Variants in CSMD2 observed in about 807,000 individuals in gnomAD.
CSMD2 encodes CUB and sushi domain-containing protein 2.
CSMD2 carries 130 observed loss-of-function variants against 398.5 expected under a neutral mutation model. That is an observed-to-expected ratio of 0.33 (90% CI 0.28 to 0.38). The LOEUF is 0.38. Among genes scored for constraint, CSMD2 ranks in the 10% least tolerant of loss-of-function variants. The pLI, the probability that CSMD2 is intolerant of heterozygous loss-of-function variation, is 1.00. For synonymous variants in CSMD2, 1,828 were observed against 1,908.5 expected (o/e 0.96, Z 1.10); for missense variants, 3,829 against 4,764.9 (o/e 0.80, Z 5.78).
chr1:33,837,617 C>T (rs549674834), intron 6 of CSMD2, among the ~76,000 whole-genome samples: 3 of 152,162 alleles, frequency 2.0e-5, no homozygotes, highest in Admixed American at 6.5e-5. Context: ...CACATTTCTG[C>T]GTATAACAAG....
chr1:33,658,257 T>G (rs1571118483), intron 26 of CSMD2, 120 bp from the exon 27 acceptor site: 1 of 743,518 alleles, frequency 1.3e-6, no homozygotes, highest in East Asian at 2.6e-5. Flanking sequence ...CACCAGAACC[T>G]CCCCATCATC....
chr1:33,732,973 T>C (rs1646769393), intron 15 of CSMD2, among the ~76,000 whole-genome samples: 1 of 152,174 alleles, frequency 6.6e-6, no homozygotes, highest in South Asian at 2.1e-4. Flanking sequence ...TACAAAGAGC[T>C]TAGGCGACTG....
intron 1 of CSMD2, among the ~76,000 whole-genome samples, chr1:34,134,713 G>A (rs1029827847): frequency 6.6e-6 from 1 of 152,150 alleles, no homozygotes; most frequent in African/African-American, 2.4e-5. Context: ...TATGCAAAGA[G>A]TTCTTATAAA....
intron 25 of CSMD2, among the ~76,000 whole-genome samples, chr1:33,668,373 T>C (rs1644382934): frequency 6.6e-6 from 1 of 151,918 alleles, no homozygotes; most frequent in African/African-American, 2.4e-5. Context: ...AGGGCAAGAG[T>C]GGATGCAGGG....
intron 2 of CSMD2, among the ~76,000 whole-genome samples, chr1:34,053,359 C>G (rs533800932): frequency 6.6e-6 from 1 of 152,226 alleles, no homozygotes; most frequent in Non-Finnish European, 1.5e-5. Context: ...TGAAAGGTCA[C>G]CAGATCTCGA....
intron 24 of CSMD2, among the ~76,000 whole-genome samples, chr1:33,693,727 G>A (rs1156979994): frequency 6.6e-6 from 1 of 152,120 alleles, no homozygotes; most frequent in African/African-American, 2.4e-5. Context: ...ACAAAATGTG[G>A]CATAGCCATA....
At chr1:33,757,443 A>G (rs1410243194) in intron 13 of CSMD2, among the ~76,000 whole-genome samples, 1 of 152,160 alleles carries the variant, frequency 6.6e-6, no homozygotes, top group Non-Finnish European at 1.5e-5. Flanking sequence ...TCTCAAGGGA[A>G]CCAAGGTTCT....
chr1:33,864,580 TGTG>T, intron 5 of CSMD2: 8 of 1,613,954 alleles, frequency 5.0e-6, no homozygotes, highest in Non-Finnish European at 6.8e-6. Context: ...ACAGGGAAGA[TGTG>T]GTCAACAGCG....
intron 52 of CSMD2, 31 bp downstream of exon 52, chr1:33,569,343 T>C (rs752098520): frequency 1.3e-6 from 2 of 1,585,814 alleles, no homozygotes; most frequent in Admixed American, 3.6e-5. Flanking sequence ...GGAGAAAAAC[T>C]GGGCAGGATA....
chr1:33,925,944 G>A (rs1052902434), intron 4 of CSMD2, among the ~76,000 whole-genome samples: 4 of 151,920 alleles, frequency 2.6e-5, no homozygotes, highest in Admixed American at 6.6e-5. Context: ...CTGCCCCCTC[G>A]CCCTCAGCCT....
At chr1:33,810,024 G>C (rs1054993711) in intron 10 of CSMD2, among the ~76,000 whole-genome samples, 1 of 151,980 alleles carries the variant, frequency 6.6e-6, no homozygotes, top group African/African-American at 2.4e-5. Context: ...TAAACAAATA[G>C]AGAGATATAC....
At chr1:33,670,617 C>T (rs1644465195) in intron 25 of CSMD2, among the ~76,000 whole-genome samples, 1 of 152,210 alleles carries the variant, frequency 6.6e-6, no homozygotes, top group South Asian at 2.1e-4. Flanking sequence ...CCAGAGCTCA[C>T]TGCTGAATCT....
At chr1:33,612,979 G>A (rs1362845659) in intron 40 of CSMD2, among the ~76,000 whole-genome samples, 1 of 152,204 alleles carries the variant, frequency 6.6e-6, no homozygotes, top group Middle Eastern at 3.2e-3. Context: ...GGAGCCCTGC[G>A]GGCTGCAGGC....
At position 33,546,021 on chromosome 1, in the gene CSMD2, T is replaced by C. The variant is rs1656849358; in HGVS notation, c.9100+16A>G. On this transcript the variant is annotated intron_variant, in intron 57 of 70. Coordinates refer to ENST00000373381, the MANE Select transcript of CSMD2 (RefSeq NM_001281956.2). The stretch of plus-strand genomic sequence containing the variant: ...GGCTGGGCAAAGGGGAGAAGCAGAA[T>C]GGTCACATACATTACCTCCACACTC... The C allele has an allele frequency of 1.9e-6, 3 of 1,594,042 alleles. No individual in the cohort carries two copies. The highest frequency in any genetic ancestry group is 4.5e-5 in the East Asian group (2 of 44,320).
chr1:33,587,211 C>T (rs377355979), intron 44 of CSMD2, 43 bp from the exon 45 acceptor site: 51 of 1,365,626 alleles, frequency 3.7e-5, no homozygotes, highest in Non-Finnish European at 4.7e-5. Flanking sequence ...GATCATCATT[C>T]TCCAGGTACA....
chr1:34,087,909 GA>G (rs1368699252), intron 2 of CSMD2, among the ~76,000 whole-genome samples: 5 of 152,172 alleles, frequency 3.3e-5, no homozygotes, highest in Non-Finnish European at 4.4e-5. Flanking sequence ...GAACCCTGCT[GA>G]ACCTCAAGGG....
chr1:33,584,830 T>C lies in CSMD2; in HGVS notation c.7052-1000A>G, dbSNP rs571896252. Among the ~76,000 whole-genome samples the C allele has an allele frequency of 1.3e-4, 20 of 151,358 alleles. No individual in the cohort carries two copies. In the East Asian group the frequency reaches 3.9e-3, roughly 29 times the overall value. ...GCTGTGGCTTAATTAGTACTATTTA[T>C]ATAGCTAAAGAAAAAAATGTCATTC... is the stretch of plus-strand genomic sequence containing the variant. On this transcript the variant is annotated intron_variant, in intron 46 of 70. Coordinates refer to ENST00000373381, the MANE Select transcript of CSMD2 (RefSeq NM_001281956.2).
intron 1 of CSMD2, among the ~76,000 whole-genome samples, chr1:34,104,764 G>A (rs907470570): frequency 8.5e-5 from 13 of 152,294 alleles, no homozygotes; most frequent in African/African-American, 3.1e-4. Context: ...GATGAGAGAG[G>A]CAGGGGTCAA....
intron 25 of CSMD2, among the ~76,000 whole-genome samples, chr1:33,692,708 T>C (rs932482999): frequency 2.6e-5 from 4 of 152,236 alleles, no homozygotes; most frequent in African/African-American, 9.6e-5. Context: ...GTAACTGTGC[T>C]ATCTGGGCCA....
Sources: gnomAD v4.1 joint callset for allele counts (sites outside exome capture counted in the v4.1 genomes callset) on GRCh38, gnomAD v4.1.1 for gene constraint, MANE v1.5 for transcripts, NCBI Gene and HGNC (gene_info 2026-07-23, HGNC 2026-07-21) for gene names.